PRICKLE2: variants seen among roughly 807,000 people sequenced by gnomAD.
The protein encoded by PRICKLE2 is prickle planar cell polarity protein 2.
PRICKLE2 carries 21 observed loss-of-function variants against 81.4 expected under a neutral mutation model. The ratio of observed to expected loss-of-function variants is 0.26; its 90% CI spans 0.18 to 0.37. The LOEUF (loss-of-function observed/expected upper bound fraction) is 0.37, where lower values mean the gene tolerates loss of function less well. Among genes scored for constraint, PRICKLE2 ranks in the 10% least tolerant of loss-of-function variants. The pLI, the probability that PRICKLE2 is intolerant of heterozygous loss-of-function variation, is 1.00. For missense variants in PRICKLE2, 940 were observed against 1,109.0 expected (o/e 0.85, Z 2.16); for synonymous variants, 456 against 421.5 (o/e 1.08, Z -1.00).
At position 64,198,885 on chromosome 3, in the gene PRICKLE2, T is replaced by C; in HGVS notation, c.43A>G (p.Lys15Glu). The C allele has an allele frequency of 2.5e-6, 4 of 1,614,218 alleles. No individual in the cohort carries two copies. Among genetic ancestry groups the C allele is most frequent in the Non-Finnish European group, 3.4e-6 (4 of 1,180,036 alleles). Residue 15 changes from lysine (K) to glutamate (E), a missense_variant, in exon 2 of 8, where the codon AAA becomes GAA. Physicochemically the swap from Lys to Glu is moderately conservative, Grantham distance 56. Around this residue, in one of 2 missense-constraint regions of PRICKLE2, gnomAD observed 270 missense variants for 391.8 expected, o/e 0.69. Coordinates refer to ENST00000638394, the MANE Select transcript of PRICKLE2 (RefSeq NM_198859.4). Reference sequence around the variant, plus strand: ...TTCCTCTGAAAGTCAAACATGAGTTTGCTGATGGTCTTCTCCATCTCCAGC... The same window carrying C: ...TTCCTCTGAAAGTCAAACATGAGTTCGCTGATGGTCTTCTCCATCTCCAGC... Reference protein sequence around the residue: ...MPLEMEKTISKLMFDFQRNST... With the variant: ...MPLEMEKTISELMFDFQRNST...
chr3:64,217,879 A>G (rs1195222068), intron 1 of PRICKLE2, among the ~76,000 whole-genome samples: 1 of 152,236 alleles, frequency 6.6e-6, no homozygotes, highest in Non-Finnish European at 1.5e-5. Context: ...CCTGGTGTCT[A>G]GTGAGGTGAC....
chr3:64,201,380 T>C (rs780982664), intron 1 of PRICKLE2, among the ~76,000 whole-genome samples: 2 of 152,222 alleles, frequency 1.3e-5, no homozygotes, highest in Non-Finnish European at 2.9e-5. Flanking sequence ...GAGTGTTCCA[T>C]TTTCTCCATA....
At chr3:64,192,837 C>T (rs58612369) in intron 2 of PRICKLE2, among the ~76,000 whole-genome samples, 1,523 of 152,290 alleles carry the variant, frequency 0.01, 28 homozygotes, top group African/African-American at 0.035. Flanking sequence ...AAATTACTAA[C>T]CTTTGGAGAT....
chr3:64,242,949 A>G (rs2079290371), intron 2 of PRICKLE2, among the ~76,000 whole-genome samples: 1 of 152,236 alleles, frequency 6.6e-6, no homozygotes. Flanking sequence ...GACAGAGAAT[A>G]ATTGTTTCTA....
At chr3:64,263,373 C>T (rs907767177) in intron 2 of PRICKLE2, among the ~76,000 whole-genome samples, 1 of 152,164 alleles carries the variant, frequency 6.6e-6, no homozygotes, top group Non-Finnish European at 1.5e-5. Context: ...CACAATTCTG[C>T]AGCAATTAAG....
At chr3:64,195,925 A>G (rs2078444982) in intron 2 of PRICKLE2, among the ~76,000 whole-genome samples, 1 of 152,210 alleles carries the variant, frequency 6.6e-6, no homozygotes, top group South Asian at 2.1e-4. Context: ...GGAAATAGGG[A>G]AAACCATCCA....
At chr3:64,222,514 G>A (rs910837559) in intron 1 of PRICKLE2, among the ~76,000 whole-genome samples, 1 of 152,202 alleles carries the variant, frequency 6.6e-6, no homozygotes, top group Non-Finnish European at 1.5e-5. Flanking sequence ...TAGGCCCACC[G>A]GCATGAAGGA....
intron 2 of PRICKLE2, among the ~76,000 whole-genome samples, chr3:64,258,151 T>C (rs1019502463): frequency 6.6e-6 from 1 of 151,458 alleles, no homozygotes; most frequent in African/African-American, 2.4e-5. Context: ...TATAAGAAAC[T>C]GTCATGTTGC....
intron 2 of PRICKLE2, among the ~76,000 whole-genome samples, chr3:64,178,141 T>A (rs2078057462): frequency 6.6e-6 from 1 of 152,226 alleles, no homozygotes; most frequent in Admixed American, 6.5e-5. Context: ...TTGCATTATA[T>A]TAATGACTAA....
intron 2 of PRICKLE2, among the ~76,000 whole-genome samples, chr3:64,231,645 C>T (rs977566409): frequency 1.3e-4 from 20 of 152,118 alleles, no homozygotes; most frequent in African/African-American, 4.8e-4. Flanking sequence ...CAACAAAGAC[C>T]TGCTCAAGAA....
Position 64,095,556 on chromosome 3 carries a change from A to G in PRICKLE2, c.*3495T>C, listed in dbSNP as rs2076560925. ...TCAGCTTGCAGGGAGCGCAGAGCAC[A>G]TGCTACATATATGTCATCACAGGCC... On this transcript the variant is annotated 3_prime_UTR_variant, in exon 8 of 8. Coordinates refer to ENST00000638394, the MANE Select transcript of PRICKLE2 (RefSeq NM_198859.4). The G allele has an allele frequency of 6.6e-6, 1 of 152,232 alleles. No homozygotes were observed. The highest frequency in any genetic ancestry group is 2.4e-5 in the African/African-American group (1 of 41,450). The allele number at this position is 152,232 out of a possible 1,614,324, so 9.4% of individuals were successfully genotyped here. A position where few individuals can be genotyped will look rare whatever the true frequency, so the allele number is the denominator to read the frequency against.
intron 7 of PRICKLE2, among the ~76,000 whole-genome samples, chr3:64,140,101 G>A (rs776240769): frequency 6.6e-6 from 1 of 152,184 alleles, no homozygotes; most frequent in Non-Finnish European, 1.5e-5. Flanking sequence ...CACTTAGAGG[G>A]TGTTAGACAC....
chr3:64,129,501 A>T (rs1473614441), intron 7 of PRICKLE2, among the ~76,000 whole-genome samples: 1 of 152,178 alleles, frequency 6.6e-6, no homozygotes, highest in Non-Finnish European at 1.5e-5. Flanking sequence ...AGAATAAAAA[A>T]TTCGGGAATG....
chr3:64,267,370 A>T (rs2079727341), intron 2 of PRICKLE2, among the ~76,000 whole-genome samples: 1 of 151,042 alleles, frequency 6.6e-6, no homozygotes, highest in Admixed American at 6.6e-5. Context: ...ATGGATTTTT[A>T]AAGTTCTGGG....
chr3:64,137,700 C>A (rs2077298527), intron 7 of PRICKLE2, among the ~76,000 whole-genome samples: 1 of 152,294 alleles, frequency 6.6e-6, no homozygotes, highest in South Asian at 2.1e-4. Flanking sequence ...TTGTCCTCGG[C>A]TTCCCACATG....
chr3:64,126,025 A>G (rs1186463475), intron 7 of PRICKLE2, among the ~76,000 whole-genome samples: 1 of 152,166 alleles, frequency 6.6e-6, no homozygotes, highest in Admixed American at 6.5e-5. Flanking sequence ...GGAATAGTCA[A>G]TGGGGGGAGA....
chr3:64,183,122 G>C (rs1209216762), intron 2 of PRICKLE2, among the ~76,000 whole-genome samples: 7 of 151,946 alleles, frequency 4.6e-5, no homozygotes, highest in African/African-American at 1.5e-4. Context: ...GAATGGAAAA[G>C]CATAGTCTTG....
chr3:64,215,340 T>C (rs2078855608), intron 1 of PRICKLE2, among the ~76,000 whole-genome samples: 1 of 152,200 alleles, frequency 6.6e-6, no homozygotes, highest in African/African-American at 2.4e-5. Flanking sequence ...CTTCCCTCAG[T>C]ACTTCAGGAG....
At chr3:64,248,015 T>C (rs1441241481) in intron 2 of PRICKLE2, among the ~76,000 whole-genome samples, 1 of 152,138 alleles carries the variant, frequency 6.6e-6, no homozygotes, top group African/African-American at 2.4e-5. Flanking sequence ...CCACAAAACG[T>C]TAAAACCCAA....
Sources: gnomAD v4.1 joint callset for allele counts (sites outside exome capture counted in the v4.1 genomes callset) on GRCh38, gnomAD v4.1.1 for gene constraint, gnomAD v4.1.1 regional missense constraint, MANE v1.5 for transcripts, NCBI Gene and HGNC (gene_info 2026-07-23, HGNC 2026-07-21) for gene names.